TUBGCP4: variants seen among roughly 807,000 people sequenced by gnomAD.
The protein encoded by TUBGCP4 is tubulin gamma complex component 4.
In TUBGCP4, 54 loss-of-function variants were observed where a neutral mutation model predicts 91.6. The ratio of observed to expected loss-of-function variants is 0.59; its 90% CI spans 0.47 to 0.74. The LOEUF is 0.74. TUBGCP4 is among the 30% of genes least tolerant of loss of function. TUBGCP4 has a pLI of 0.00. For missense variants in TUBGCP4, 593 were observed against 800.9 expected, an observed-to-expected ratio of 0.74 and a Z score of 3.13; for synonymous variants, 297 against 302.8, an observed-to-expected ratio of 0.98 and a Z score of 0.20.
At chr15:43,377,822 C>G in intron 4 of TUBGCP4, 25 bp from the exon 5 acceptor site, 1 of 1,568,638 alleles carries the variant, frequency 6.4e-7, no homozygotes, top group Non-Finnish European at 8.7e-7. Context: ...ATTACATACC[C>G]TTCTAATTAT....
intron 16 of TUBGCP4, 119 bp downstream of exon 16, chr15:43,403,918 A>G: frequency 1.4e-6 from 1 of 704,116 alleles, no homozygotes; most frequent in Non-Finnish European, 2.5e-6. Flanking sequence ...ACACGTACAG[A>G]GATAAGATAC....
intron 4 of TUBGCP4, among the ~76,000 whole-genome samples, chr15:43,377,341 G>C (rs551281166): frequency 2.6e-5 from 4 of 152,150 alleles, no homozygotes; most frequent in Admixed American, 2.6e-4. Context: ...ACTGCTTCCC[G>C]ACTGGGCATG....
In TUBGCP4 at chr15:43,407,461, C is replaced by T. The variant is rs980237157; in HGVS notation, c.*2247C>T. 1.9e-6 allele frequency: 3 copies of T among 1,614,094 alleles called. No individual in the cohort carries two copies. The highest frequency in any genetic ancestry group is 2.5e-6 in the Non-Finnish European group (3 of 1,180,030). ...TCTCCCCAACAATGAGGCACTGGAT[C>T]ACCCACTCTTGTGACACCACAGGCA... On this transcript the variant is annotated 3_prime_UTR_variant, in exon 18 of 18. Coordinates refer to ENST00000564079, the MANE Select transcript of TUBGCP4 (RefSeq NM_014444.5).
intron 5 of TUBGCP4, among the ~76,000 whole-genome samples, chr15:43,379,384 G>T (rs1180642008): frequency 2.6e-5 from 4 of 152,244 alleles, no homozygotes; most frequent in Non-Finnish European, 5.9e-5. Context: ...GCTCACGCCT[G>T]TAATCCCAGC....
At chr15:43,384,132 C>T (rs2044323392) in intron 7 of TUBGCP4, among the ~76,000 whole-genome samples, 1 of 152,114 alleles carries the variant, frequency 6.6e-6, no homozygotes. Context: ...TTTGATTAGA[C>T]TCCTCAAAGT....
At chr15:43,398,379 T>C in intron 13 of TUBGCP4, 200 bp downstream of exon 13, 1 of 346,548 alleles carries the variant, frequency 2.9e-6, no homozygotes, top group Non-Finnish European at 4.7e-6. Context: ...GACCCCCATC[T>C]CATAAAAAAA....
Position 43,403,800 on chromosome 15 carries a change from G to T in TUBGCP4, c.1848+1G>T. On this transcript the variant is annotated splice_donor_variant, in intron 16 of 17. Coordinates refer to ENST00000564079, the MANE Select transcript of TUBGCP4 (RefSeq NM_014444.5). LOFTEE classifies it high-confidence loss of function. ...CGCCCAGCTGAGCATTCTCGTGAAG[G>T]TGCGTCTGCCTGGAAGTATGCAGCC... 1 of 1,611,296 alleles carries T rather than the reference G, an allele frequency of 6.2e-7. No homozygotes were observed. Among genetic ancestry groups the T allele is most frequent in the Non-Finnish European group, 8.5e-7 (1 of 1,177,474 alleles).
chr15:43,403,191 T>TAC (rs199819501), intron 15 of TUBGCP4: 1 of 152,438 alleles, frequency 6.6e-6, no homozygotes, highest in African/African-American at 2.4e-5. Flanking sequence ...TATATATATA[T>TAC]ACATACAAAA....
In TUBGCP4 at chr15:43,405,462, T is replaced by C; in HGVS notation, c.*248T>C. 1 of 569,882 alleles carries C rather than the reference T, an allele frequency of 1.8e-6. No homozygotes were observed. Among genetic ancestry groups the C allele is most frequent in the South Asian group, 2.3e-5 (1 of 44,376 alleles). The allele number at this position is 569,882 out of a possible 1,614,324, so 35.3% of individuals were successfully genotyped here. A position where few individuals can be genotyped will look rare whatever the true frequency, so the allele number is the denominator to read the frequency against. The stretch of plus-strand genomic sequence containing the variant: ...TGATCCTTTACATTGAGAACATTTG[T>C]TGGATATGTTCATTTATTCAATAGT... On this transcript the variant is annotated 3_prime_UTR_variant, in exon 18 of 18. Transcript: ENST00000564079.
chr15:43,403,904 A>G (rs1442701572), intron 16 of TUBGCP4, 105 bp downstream of exon 16: 5 of 769,602 alleles, frequency 6.5e-6, no homozygotes, highest in Non-Finnish European at 1.1e-5. Flanking sequence ...TTTCCTCAAT[A>G]CACACACGTA....
chr15:43,391,475 A>G (rs1484646464), intron 9 of TUBGCP4: 3 of 152,306 alleles, frequency 2.0e-5, no homozygotes, highest in Non-Finnish European at 2.9e-5. Flanking sequence ...TGCTGGGATT[A>G]CAGATGTGAG....
At position 43,405,331 on chromosome 15, in the gene TUBGCP4, C is replaced by T; in HGVS notation, c.*117C>T. The T allele has an allele frequency of 1.7e-6, 2 of 1,171,694 alleles. No individual in the cohort carries two copies. Among genetic ancestry groups the T allele is most frequent in the Non-Finnish European group, 2.5e-6 (2 of 797,822 alleles). 72.6% of individuals were successfully genotyped at this position (1,171,694 alleles called of 1,614,324 possible). A position where few individuals can be genotyped will look rare whatever the true frequency, so the allele number is the denominator to read the frequency against. On this transcript the variant is annotated 3_prime_UTR_variant, in exon 18 of 18. Coordinates refer to ENST00000564079, the MANE Select transcript of TUBGCP4 (RefSeq NM_014444.5). ...ATATCTGCGGCTTAGTGATAGGACTCTACCTTTTCTCCTAGAAGCAGTTAC... is the reference window on the plus strand; with the variant it reads ...ATATCTGCGGCTTAGTGATAGGACTTTACCTTTTCTCCTAGAAGCAGTTAC...
intron 1 of TUBGCP4, among the ~76,000 whole-genome samples, chr15:43,371,706 C>G (rs560591241): frequency 6.6e-5 from 10 of 152,266 alleles, no homozygotes; most frequent in African/African-American, 2.2e-4. Context: ...CTGACAGTTG[C>G]TGGGGAATGA....
In TUBGCP4 at chr15:43,409,698, G is replaced by A. The variant is rs2045047866; in HGVS notation, c.*4484G>A. The A allele has an allele frequency of 3.8e-6, 6 of 1,574,754 alleles. No homozygotes were observed. In the East Asian group the frequency reaches 1.4e-4, roughly 36 times the overall value. On this transcript the variant is annotated 3_prime_UTR_variant, in exon 18 of 18. Transcript: ENST00000564079. ...TATAGCCAGCTCCTGCTCGAAGCTG[G>A]GATTCTGTATACTGCTTGTTGAAAG... is the stretch of plus-strand genomic sequence containing the variant.
chr15:43,409,141 G>T lies in TUBGCP4; in HGVS notation c.*3927G>T, dbSNP rs1392599249. The T allele has an allele frequency of 1.9e-6, 3 of 1,581,306 alleles. No individual in the cohort carries two copies. The highest frequency in any genetic ancestry group is 3.4e-5 in the Admixed American group (2 of 59,140). On this transcript the variant is annotated 3_prime_UTR_variant, in exon 18 of 18. Coordinates refer to ENST00000564079, the MANE Select transcript of TUBGCP4 (RefSeq NM_014444.5). The stretch of plus-strand genomic sequence containing the variant: ...GCCAATGGGTTTGGTGACTTCTGTG[G>T]AAAGCTCCTAAGCAGCAGCCATAAT...
intron 15 of TUBGCP4, chr15:43,402,937 T>C (rs1379343335): frequency 6.6e-6 from 1 of 152,242 alleles, no homozygotes; most frequent in African/African-American, 2.4e-5. Flanking sequence ...AAGAGTAAGA[T>C]ATATATTAAT....
In TUBGCP4 at chr15:43,383,378, G is replaced by C. The variant is rs1473099070; in HGVS notation, c.597G>C (p.Gln199His). The C allele has an allele frequency of 6.2e-7, 1 of 1,614,166 alleles. No homozygotes were observed. Among genetic ancestry groups the C allele is most frequent in the Non-Finnish European group, 8.5e-7 (1 of 1,180,026 alleles). ...AWMLHGLLLD[Q>H]HEEFFIKQGP... is the part of the protein sequence containing the mutation. The stretch of plus-strand genomic sequence containing the variant: ...TGCTCCATGGACTCCTCTTGGACCA[G>C]CATGAAGAATTCTTTATCAAACAGG... Residue 199 changes from glutamine (Q) to histidine (H), a missense_variant, in exon 7 of 18, where the codon CAG (glutamine) becomes CAC (histidine). Coordinates refer to ENST00000564079, the MANE Select transcript of TUBGCP4 (RefSeq NM_014444.5).
At chr15:43,402,521 C>G (rs2044708126) in intron 15 of TUBGCP4, 1 of 152,228 alleles carries the variant, frequency 6.6e-6, no homozygotes, top group African/African-American at 2.4e-5. Flanking sequence ...CAGGATGGAT[C>G]AGTCATTTGA....
rs2044208629 is a variant in TUBGCP4, at chr15:43,376,597, G to A, written c.302G>A (p.Arg101His). ...TGLDSVLQPY[R>H]QALLDLEQEF... ...CTGGATTCTGTTTTGCAGCCTTATC[G>A]CCAAGCACTGCTTGATTTGGAACAA... Residue 101 changes from arginine (R) to histidine (H), a missense_variant, in exon 3 of 18, where the codon CGC becomes CAC. Coordinates refer to ENST00000564079, the MANE Select transcript of TUBGCP4 (RefSeq NM_014444.5). 6.2e-7 allele frequency: 1 copy of A among 1,614,156 alleles called. No individual in the cohort carries two copies. The highest frequency in any genetic ancestry group is 1.1e-5 in the South Asian group (1 of 91,084).
Sources: gnomAD v4.1 joint callset for allele counts (sites outside exome capture counted in the v4.1 genomes callset) on GRCh38, gnomAD v4.1.1 for gene constraint, MANE v1.5 for transcripts, NCBI Gene and HGNC (gene_info 2026-07-23, HGNC 2026-07-21) for gene names.